CIRSR: variants seen among roughly 807,000 people sequenced by gnomAD.
CIRSR encodes the protein corepressor of RBPJ and splicing regulator.
the CIRSR span, among the ~76,000 whole-genome samples, chr2:174,376,084 C>T: frequency 6.6e-6 from 1 of 152,174 alleles, no homozygotes; most frequent in Non-Finnish European, 1.5e-5. Flanking sequence ...TGGTCTCAAA[C>T]TCCTGAGCTC....
chr2:174,376,385 G>A, the CIRSR span, among the ~76,000 whole-genome samples: 1 of 152,124 alleles, frequency 6.6e-6, no homozygotes, highest in African/African-American at 2.4e-5. Flanking sequence ...ACTTGATCCT[G>A]AAAAAGTTCA....
At chr2:174,354,576 A>ATATATTATATATATCATATAATATATAT in the CIRSR span, among the ~76,000 whole-genome samples, 3 of 17,226 alleles carry the variant, frequency 1.7e-4, no homozygotes, top group African/African-American at 2.1e-4. Flanking sequence ...ATATTATATT[A>ATATATTATATATATCATATAATATATAT]TATATTATAT....
At chr2:174,374,871 A>G in the CIRSR span, among the ~76,000 whole-genome samples, 28 of 152,328 alleles carry the variant, frequency 1.8e-4, no homozygotes, top group South Asian at 6.2e-4. Context: ...GCTTCCTTAG[A>G]GGAGCCCTTC....
At chr2:174,389,372 T>TGGAGTAAA in the CIRSR span, among the ~76,000 whole-genome samples, 1 of 152,192 alleles carries the variant, frequency 6.6e-6, no homozygotes, top group East Asian at 1.9e-4. Flanking sequence ...TTTTGGGAAG[T>TGGAGTAAA]GGAGTAAAAG....
the CIRSR span, among the ~76,000 whole-genome samples, chr2:174,371,045 ATAT>A: frequency 6.6e-6 from 1 of 152,244 alleles, no homozygotes; most frequent in Non-Finnish European, 1.5e-5. Flanking sequence ...TCTTTCACTC[ATAT>A]TATATGATTC....
the CIRSR span, among the ~76,000 whole-genome samples, chr2:174,364,577 C>G: frequency 6.6e-6 from 1 of 152,252 alleles, no homozygotes; most frequent in Non-Finnish European, 1.5e-5. Context: ...CAGCAAACTT[C>G]TGCCTGGACA....
the CIRSR span, among the ~76,000 whole-genome samples, chr2:174,370,274 C>T: frequency 4.6e-5 from 7 of 152,138 alleles, no homozygotes; most frequent in Non-Finnish European, 7.3e-5. Context: ...TGGTCTCAAA[C>T]GCTGGTCTTG....
At chr2:174,354,463 TA>T in the CIRSR span, among the ~76,000 whole-genome samples, 1 of 94,960 alleles carries the variant, frequency 1.1e-5, no homozygotes, top group African/African-American at 4.3e-5. Flanking sequence ...ATATAATATA[TA>T]AAATATATAT....
chr2:174,377,305 G>C, the CIRSR span, among the ~76,000 whole-genome samples: 1 of 152,252 alleles, frequency 6.6e-6, no homozygotes, highest in East Asian at 1.9e-4. Context: ...TTTCTTTGGG[G>C]CTTTATTTCC....
At chr2:174,350,283 A>C in the CIRSR span, among the ~76,000 whole-genome samples, 1 of 152,332 alleles carries the variant, frequency 6.6e-6, no homozygotes. Flanking sequence ...CTTAAATTTA[A>C]GCATTCTTTC....
chr2:174,354,382 TA>T, the CIRSR span, among the ~76,000 whole-genome samples: 619 of 117,620 alleles, frequency 5.3e-3, 9 homozygotes, highest in African/African-American at 0.02. Flanking sequence ...ATATATTACT[TA>T]TATATGTACA....
chr2:174,368,762 G>A, the CIRSR span, among the ~76,000 whole-genome samples: 2 of 152,216 alleles, frequency 1.3e-5, no homozygotes, highest in Admixed American at 1.3e-4. Context: ...GTCACTAGGT[G>A]CATTGTAAAT....
At chr2:174,375,139 C>T in the CIRSR span, among the ~76,000 whole-genome samples, 6 of 152,216 alleles carry the variant, frequency 3.9e-5, no homozygotes, top group South Asian at 1.2e-3. Flanking sequence ...AGGGTTGTTG[C>T]CAATCTTTCA....
At chr2:174,364,883 T>G in the CIRSR span, among the ~76,000 whole-genome samples, 2 of 152,208 alleles carry the variant, frequency 1.3e-5, no homozygotes, top group East Asian at 3.9e-4. Context: ...CCATGAAGAC[T>G]TCTGACATGC....
the CIRSR span, among the ~76,000 whole-genome samples, chr2:174,369,244 C>A: frequency 6.6e-6 from 1 of 152,200 alleles, no homozygotes; most frequent in African/African-American, 2.4e-5. Flanking sequence ...TGGCTTCTTC[C>A]CTTAAACCTT....
the CIRSR span, among the ~76,000 whole-genome samples, chr2:174,365,901 CAG>C: frequency 6.6e-5 from 10 of 152,174 alleles, no homozygotes; most frequent in East Asian, 1.7e-3. Flanking sequence ...TTAGATATGG[CAG>C]AGATTCTGGA....
chr2:174,367,260 G>A, the CIRSR span, among the ~76,000 whole-genome samples: 681 of 152,202 alleles, frequency 4.5e-3, 8 homozygotes, highest in African/African-American at 0.016. Context: ...CATAATGAGA[G>A]CCTGTCTCTC....
At chr2:174,380,803 C>A in the CIRSR span, 8 of 1,597,746 alleles carry the variant, frequency 5.0e-6, no homozygotes, top group Non-Finnish European at 6.8e-6. Flanking sequence ...TAGTACTTTA[C>A]CTCTTTGTTT....
At chr2:174,359,771 TG>T in the CIRSR span, among the ~76,000 whole-genome samples, 1 of 152,232 alleles carries the variant, frequency 6.6e-6, no homozygotes, top group African/African-American at 2.4e-5. Context: ...TTATGTTTAC[TG>T]CAGCACTATT....
Sources: gnomAD v4.1 joint callset for allele counts (sites outside exome capture counted in the v4.1 genomes callset) on GRCh38, gnomAD v4.1.1 for gene constraint, MANE v1.5 for transcripts, NCBI Gene and HGNC (gene_info 2026-07-23, HGNC 2026-07-21) for gene names.